The following CCSER2 variants were observed in gnomAD, a reference collection of about 807,000 sequenced individuals.
The protein encoded by CCSER2 is serine-rich coiled-coil domain-containing protein 2.
In CCSER2, 46 loss-of-function variants were observed where a neutral mutation model predicts 92.3. That is an observed-to-expected ratio of 0.50 (90% CI 0.39 to 0.64). The LOEUF is 0.64. CCSER2 is among the 30% of genes least tolerant of loss of function. The pLI is 0.00. For synonymous variants in CCSER2, 433 were observed against 431.4 expected, an observed-to-expected ratio of 1.00 and a Z score of -0.04; for missense variants, 1,244 against 1,238.9, an observed-to-expected ratio of 1.00 and a Z score of -0.06.
chr10:84,486,933 A>G (rs1162304491), intron 9 of CCSER2, among the ~76,000 whole-genome samples: 10 of 152,138 alleles, frequency 6.6e-5, no homozygotes, highest in Admixed American at 5.9e-4. Flanking sequence ...AGGTATAAGG[A>G]AGGGATCCAG....
chr10:84,366,673 A>C (rs1589454266), intron 1 of CCSER2, among the ~76,000 whole-genome samples: 1 of 152,202 alleles, frequency 6.6e-6, no homozygotes, highest in East Asian at 1.9e-4. Flanking sequence ...GGCAATGACA[A>C]ATAACGTATC....
intron 3 of CCSER2, among the ~76,000 whole-genome samples, chr10:84,378,764 G>C (rs957591573): frequency 6.6e-6 from 1 of 152,086 alleles, no homozygotes; most frequent in African/African-American, 2.4e-5. Context: ...AAGAGATAGG[G>C]TCTGTCTCTT....
intron 9 of CCSER2, among the ~76,000 whole-genome samples, chr10:84,497,294 G>T (rs1002315003): frequency 1.3e-5 from 2 of 152,200 alleles, no homozygotes; most frequent in African/African-American, 4.8e-5. Flanking sequence ...AGTGGAAGAC[G>T]CATTGTAGGT....
chr10:84,420,576 T>C (rs1031863154), intron 4 of CCSER2, among the ~76,000 whole-genome samples: 7 of 152,146 alleles, frequency 4.6e-5, no homozygotes, highest in Non-Finnish European at 7.3e-5. Flanking sequence ...TAATGTGCTT[T>C]CCACTACAGG....
At chr10:84,348,656 G>T (rs1844688253) in intron 1 of CCSER2, among the ~76,000 whole-genome samples, 1 of 152,146 alleles carries the variant, frequency 6.6e-6, no homozygotes, top group Admixed American at 6.5e-5. Flanking sequence ...GTTGAGGAGG[G>T]AGATACATAT....
At chr10:84,488,190 T>A (rs1050112751) in intron 9 of CCSER2, among the ~76,000 whole-genome samples, 4 of 152,168 alleles carry the variant, frequency 2.6e-5, no homozygotes, top group Non-Finnish European at 5.9e-5. Flanking sequence ...GGGATATTGG[T>A]CTAAAATTCT....
chr10:84,347,055 C>T (rs1844528765), intron 1 of CCSER2, among the ~76,000 whole-genome samples: 1 of 152,146 alleles, frequency 6.6e-6, no homozygotes, highest in African/African-American at 2.4e-5. Context: ...CCATTTAACC[C>T]TGAGTGGACA....
intron 9 of CCSER2, among the ~76,000 whole-genome samples, chr10:84,478,224 T>C (rs1452051919): frequency 6.6e-6 from 1 of 152,220 alleles, no homozygotes; most frequent in Non-Finnish European, 1.5e-5. Flanking sequence ...TTTTCAAAAA[T>C]GTTATATCTC....
At position 84,466,424 on chromosome 10, in the gene CCSER2, A is replaced by G. The variant is rs138340277; in HGVS notation, c.2148+2408A>G. On this transcript the variant is annotated intron_variant, in intron 7 of 9. Transcript: ENST00000372088. Reference sequence around the variant, plus strand: ...GTTCCATGCTTAGCTATACTTCTCAACCTCTGCAGGTAGCCTTATGTTTGT... The same window carrying G: ...GTTCCATGCTTAGCTATACTTCTCAGCCTCTGCAGGTAGCCTTATGTTTGT... Among the ~76,000 whole-genome samples, 942 of 150,990 alleles carry G rather than the reference A, an allele frequency of 6.2e-3. 6 individuals are homozygous for G. Among genetic ancestry groups the G allele is most frequent in the African/African-American group, 0.021 (862 of 41,068 alleles).
intron 5 of CCSER2, among the ~76,000 whole-genome samples, chr10:84,428,540 A>G (rs1843567641): frequency 6.6e-6 from 1 of 152,106 alleles, no homozygotes; most frequent in African/African-American, 2.4e-5. Flanking sequence ...TTTTCTATAT[A>G]CAAGATATGT....
At position 84,463,327 on chromosome 10, in the gene CCSER2, C is replaced by T. The variant is rs555306208; in HGVS notation, c.2065-606C>T. Among the ~76,000 whole-genome samples the T allele has an allele frequency of 1.1e-4, 16 of 152,294 alleles. 1 individual carries two copies. In the South Asian group the frequency reaches 2.9e-3, roughly 28 times the overall value. On this transcript the variant is annotated intron_variant, in intron 6 of 9. Coordinates refer to ENST00000372088, the MANE Select transcript of CCSER2 (RefSeq NM_001284240.2). ...CACTCAGGACATAGAACATTTCCAG[C>T]TTCCTACTAGGTTCCCTAATGTTCC...
chr10:84,409,782 T>A (rs1842557242), intron 3 of CCSER2, among the ~76,000 whole-genome samples: 1 of 152,224 alleles, frequency 6.6e-6, no homozygotes, highest in Non-Finnish European at 1.5e-5. Context: ...AGTTTATGGG[T>A]ACATGTACAG....
intron 1 of CCSER2, among the ~76,000 whole-genome samples, chr10:84,342,061 CT>C: frequency 6.6e-6 from 1 of 152,078 alleles, no homozygotes; most frequent in East Asian, 1.9e-4. Context: ...CTTCAGTCCC[CT>C]TCCCCCCCCT....
intron 4 of CCSER2, among the ~76,000 whole-genome samples, chr10:84,422,546 C>G (rs1843201384): frequency 1.3e-5 from 2 of 152,100 alleles, no homozygotes. Flanking sequence ...ATATTTTTCT[C>G]TAGCTGGGGT....
chr10:84,511,942 T>C (rs1222542774), intron 9 of CCSER2, among the ~76,000 whole-genome samples: 1 of 152,242 alleles, frequency 6.6e-6, no homozygotes, highest in African/African-American at 2.4e-5. Context: ...CTGACTTGTT[T>C]ATTTCAAACA....
chr10:84,376,297 T>C (rs1846334403), intron 3 of CCSER2, among the ~76,000 whole-genome samples: 2 of 152,128 alleles, frequency 1.3e-5, no homozygotes, highest in Non-Finnish European at 2.9e-5. Flanking sequence ...CCAGAGAATT[T>C]TGATAAATTT....
At chr10:84,362,315 A>G (rs1845543903) in intron 1 of CCSER2, among the ~76,000 whole-genome samples, 1 of 152,192 alleles carries the variant, frequency 6.6e-6, no homozygotes, top group Admixed American at 6.5e-5. Flanking sequence ...GGTGTCTACT[A>G]TTTTAAAAGG....
intron 3 of CCSER2, among the ~76,000 whole-genome samples, chr10:84,386,722 C>T (rs766760778): frequency 6.6e-6 from 1 of 152,216 alleles, no homozygotes; most frequent in Non-Finnish European, 1.5e-5. Flanking sequence ...CAGAGCAAGA[C>T]TCTTTCTCCA....
At chr10:84,407,433 C>T (rs961737301) in intron 3 of CCSER2, among the ~76,000 whole-genome samples, 1 of 152,084 alleles carries the variant, frequency 6.6e-6, no homozygotes, top group Non-Finnish European at 1.5e-5. Flanking sequence ...AGTTAATAAG[C>T]ATCATACATT....
Sources: gnomAD v4.1 joint callset for allele counts (sites outside exome capture counted in the v4.1 genomes callset) on GRCh38, gnomAD v4.1.1 for gene constraint, MANE v1.5 for transcripts, NCBI Gene and HGNC (gene_info 2026-07-23, HGNC 2026-07-21) for gene names.